C8orf34: variants seen among roughly 807,000 people sequenced by gnomAD.
C8orf34 encodes the protein uncharacterized protein C8orf34.
In C8orf34, 65 loss-of-function variants were observed where a neutral mutation model predicts 68.3. The observed-to-expected ratio is 0.95, with a 90% CI of 0.78 to 1.17. C8orf34 has a LOEUF of 1.17. Among genes scored for constraint, C8orf34 ranks in the 50% most tolerant of loss-of-function variants. The probability of loss-of-function intolerance (pLI) is 0.00; values close to 1 mark genes in which losing one functional copy is unlikely to be tolerated. For missense variants in C8orf34, 664 were observed against 655.4 expected (o/e 1.01, Z -0.14); for synonymous variants, 244 against 241.2 (o/e 1.01, Z -0.11).
At chr8:68,717,169 G>C (rs954453157) in intron 9 of C8orf34, among the ~76,000 whole-genome samples, 4 of 152,006 alleles carry the variant, frequency 2.6e-5, no homozygotes, top group African/African-American at 7.2e-5. Context: ...AAAGCCTAAT[G>C]CTTCTTAAAC....
chr8:68,463,568 C>T (rs1158525121), intron 3 of C8orf34, among the ~76,000 whole-genome samples: 1 of 152,168 alleles, frequency 6.6e-6, no homozygotes, highest in Non-Finnish European at 1.5e-5. Flanking sequence ...CTGAATCCAG[C>T]AGCATATCAA....
chr8:68,802,319 T>A (rs1047306980), intron 12 of C8orf34, among the ~76,000 whole-genome samples: 1 of 151,818 alleles, frequency 6.6e-6, no homozygotes, highest in South Asian at 2.1e-4. Flanking sequence ...AGGCTGGTCT[T>A]GAACTCCCGA....
chr8:68,604,706 A>G (rs1416124627), intron 7 of C8orf34, among the ~76,000 whole-genome samples: 1 of 152,110 alleles, frequency 6.6e-6, no homozygotes, highest in Non-Finnish European at 1.5e-5. Context: ...ATAACAATTA[A>G]TTCAAAATGG....
At chr8:68,558,608 A>G (rs1006742386) in intron 7 of C8orf34, among the ~76,000 whole-genome samples, 5 of 152,210 alleles carry the variant, frequency 3.3e-5, no homozygotes, top group African/African-American at 1.2e-4. Context: ...AGTGGGAAAG[A>G]GAGAGAGAAA....
At chr8:68,581,079 C>T (rs1817050007) in intron 7 of C8orf34, among the ~76,000 whole-genome samples, 1 of 152,054 alleles carries the variant, frequency 6.6e-6, no homozygotes, top group South Asian at 2.1e-4. Context: ...GACAGATTAA[C>T]AAGAGAAATG....
chr8:68,418,662 T>C (rs1004223231), intron 1 of C8orf34, among the ~76,000 whole-genome samples: 3 of 152,122 alleles, frequency 2.0e-5, no homozygotes, highest in Non-Finnish European at 4.4e-5. Flanking sequence ...AACAGAGCCC[T>C]CAGGAATAAC....
chr8:68,421,957 T>C (rs1809994805), intron 1 of C8orf34, among the ~76,000 whole-genome samples: 1 of 152,156 alleles, frequency 6.6e-6, no homozygotes, highest in African/African-American at 2.4e-5. Flanking sequence ...CCATCAGATC[T>C]TTTGAGACTC....
At chr8:68,335,068 T>G (rs1031990697) in intron 1 of C8orf34, among the ~76,000 whole-genome samples, 6 of 152,136 alleles carry the variant, frequency 3.9e-5, no homozygotes, top group Admixed American at 6.5e-5. Flanking sequence ...GAGATCTCCT[T>G]TCGTTGTTCC....
chr8:68,420,445 G>A (rs186389249), intron 1 of C8orf34, among the ~76,000 whole-genome samples: 110 of 152,134 alleles, frequency 7.2e-4, no homozygotes, highest in Non-Finnish European at 1.2e-3. Context: ...CAGGTACCAG[G>A]CGCTACTTTC....
chr8:68,423,086 G>T (rs1349209921), intron 1 of C8orf34, among the ~76,000 whole-genome samples: 1 of 152,196 alleles, frequency 6.6e-6, no homozygotes, highest in African/African-American at 2.4e-5. Flanking sequence ...TCTCTGACAT[G>T]CGCAGAGATA....
intron 7 of C8orf34, among the ~76,000 whole-genome samples, chr8:68,570,629 T>G (rs1250720768): frequency 1.3e-5 from 2 of 152,186 alleles, no homozygotes; most frequent in African/African-American, 4.8e-5. Flanking sequence ...GTTCCGATAT[T>G]TCCCCTGCTA....
At chr8:68,403,247 G>C (rs565835838) in intron 1 of C8orf34, among the ~76,000 whole-genome samples, 1 of 152,264 alleles carries the variant, frequency 6.6e-6, no homozygotes, top group African/African-American at 2.4e-5. Flanking sequence ...CCTGTGTCAT[G>C]CTCCATCCCT....
chr8:68,776,345 T>C, intron 10 of C8orf34, 54 bp from the exon 11 acceptor site: 1 of 1,376,858 alleles, frequency 7.3e-7, no homozygotes, highest in Admixed American at 1.7e-5. Context: ...ATTCTTTCAT[T>C]CTTTTTCTCT....
intron 1 of C8orf34, among the ~76,000 whole-genome samples, chr8:68,416,173 A>G (rs1289024436): frequency 1.3e-5 from 2 of 152,216 alleles, no homozygotes; most frequent in Non-Finnish European, 2.9e-5. Context: ...TTAGGTTTAC[A>G]AGTAATCTTT....
chr8:68,621,931 T>C (rs1293240432), intron 7 of C8orf34, among the ~76,000 whole-genome samples: 2 of 152,186 alleles, frequency 1.3e-5, no homozygotes, highest in Non-Finnish European at 2.9e-5. Context: ...GGGTCAGGAC[T>C]CTAGGCACAG....
At chr8:68,633,435 T>A (rs1301610679) in intron 7 of C8orf34, among the ~76,000 whole-genome samples, 1 of 152,218 alleles carries the variant, frequency 6.6e-6, no homozygotes, top group Non-Finnish European at 1.5e-5. Context: ...TTATCTATCT[T>A]CTTAACATTC....
chr8:68,459,349 C>T (rs977614590), intron 3 of C8orf34, among the ~76,000 whole-genome samples: 1 of 152,104 alleles, frequency 6.6e-6, no homozygotes, highest in South Asian at 2.1e-4. Flanking sequence ...CCTGCCTCAG[C>T]CTCCCGAGTA....
chr8:68,397,379 C>T (rs993301718), intron 1 of C8orf34, among the ~76,000 whole-genome samples: 16 of 152,190 alleles, frequency 1.1e-4, no homozygotes, highest in Admixed American at 8.5e-4. Flanking sequence ...TAAACGCTAT[C>T]CTAACTAGGC....
intron 4 of C8orf34, among the ~76,000 whole-genome samples, chr8:68,473,389 C>A (rs1050334979): frequency 2.6e-5 from 4 of 152,108 alleles, no homozygotes; most frequent in Non-Finnish European, 5.9e-5. Context: ...TCTTATTATG[C>A]AGATAGGCTT....
Sources: allele counts gnomAD v4.1 joint callset (sites outside exome capture counted in the v4.1 genomes callset), GRCh38; gene constraint gnomAD v4.1.1; transcripts MANE v1.5; gene names NCBI Gene and HGNC (gene_info 2026-07-23, HGNC 2026-07-21).